Variants in SCN10A observed in about 807,000 individuals in gnomAD.
The protein encoded by SCN10A is sodium voltage-gated channel alpha subunit 10.
In SCN10A, 162 loss-of-function variants were observed where a neutral mutation model predicts 170.7. The observed-to-expected ratio is 0.95, with a 90% CI of 0.84 to 1.08. The LOEUF (loss-of-function observed/expected upper bound fraction) is 1.08, where lower values mean the gene tolerates loss of function less well. Among genes scored for constraint, SCN10A ranks in the 50% least tolerant of loss-of-function variants. SCN10A has a pLI of 0.00. For synonymous variants in SCN10A, 985 were observed against 904.6 expected (o/e 1.09, Z -1.59); for missense variants, 2,527 against 2,436.9 (o/e 1.04, Z -0.78).
intron 13 of SCN10A, among the ~76,000 whole-genome samples, chr3:38,746,713 C>G (rs1021948086): frequency 6.6e-6 from 1 of 152,180 alleles, no homozygotes; most frequent in Admixed American, 6.5e-5. Context: ...ATTCTCTCTT[C>G]TGCTTTGCAG....
rs530760750 is a variant in SCN10A, at chr3:38,745,888, C to G, written c.1868-3359G>C. ...TTTCAGTCTCCTCTGCTGGGTCCAT[C>G]TCTTCTGCTTAACTATTAAACATTT... is the stretch of plus-strand genomic sequence containing the variant. On this transcript the variant is annotated intron_variant, in intron 13 of 27. Transcript: ENST00000449082. Among the ~76,000 whole-genome samples the G allele has an allele frequency of 4.6e-5, 7 of 151,778 alleles. No individual in the cohort carries two copies. The East Asian group carries it at 1.4e-3, about 29-fold the overall frequency.
intron 1 of SCN10A, among the ~76,000 whole-genome samples, chr3:38,812,896 T>C (rs967428669): frequency 6.6e-6 from 1 of 152,044 alleles, no homozygotes; most frequent in African/African-American, 2.4e-5. Flanking sequence ...TTTCCAAGTG[T>C]GGTGGAGGCC....
intron 20 of SCN10A, among the ~76,000 whole-genome samples, chr3:38,719,673 G>A (rs372804021): frequency 3.0e-4 from 46 of 152,162 alleles, no homozygotes; most frequent in African/African-American, 1.1e-3. Context: ...GATTACAGGC[G>A]TGAGCCACCG....
chr3:38,719,067 T>C (rs2125994729), intron 20 of SCN10A, among the ~76,000 whole-genome samples: 1 of 152,352 alleles, frequency 6.6e-6, no homozygotes, highest in East Asian at 1.9e-4. Flanking sequence ...TGCTGATACT[T>C]GCAGGGATGC....
At chr3:38,804,543 T>A (rs7627421) in intron 1 of SCN10A, among the ~76,000 whole-genome samples, 70,567 of 152,002 alleles carry the variant, frequency 0.46, 18,355 homozygotes, top group African/African-American at 0.71. Flanking sequence ...TAATCAACAG[T>A]TATTTGTTGA....
intron 5 of SCN10A, among the ~76,000 whole-genome samples, chr3:38,767,122 CTTCTT>C (rs1417836026): frequency 2.0e-5 from 3 of 151,628 alleles, no homozygotes; most frequent in Non-Finnish European, 4.4e-5. Flanking sequence ...GATCTTCTCT[CTTCTT>C]TTCTTGGTTA....
At chr3:38,778,690 A>G (rs1427147894) in intron 4 of SCN10A, among the ~76,000 whole-genome samples, 2 of 152,094 alleles carry the variant, frequency 1.3e-5, no homozygotes, top group Non-Finnish European at 2.9e-5. Context: ...TCAAAAGTAT[A>G]CAGCATGATC....
intron 8 of SCN10A, among the ~76,000 whole-genome samples, chr3:38,759,901 G>A (rs114107846): frequency 0.012 from 1,813 of 152,268 alleles, 46 homozygotes; most frequent in African/African-American, 0.04. Flanking sequence ...GTAAGAATTC[G>A]AAATTGCAAA....
At chr3:38,728,507 A>G (rs779924149) in intron 16 of SCN10A, 35 bp downstream of exon 16, 2 of 1,525,918 alleles carry the variant, frequency 1.3e-6, no homozygotes, top group South Asian at 1.3e-5. Flanking sequence ...TCCTTTCCCC[A>G]GGAGACAGTG....
At chr3:38,806,239 C>T (rs1559473152) in intron 1 of SCN10A, among the ~76,000 whole-genome samples, 1 of 152,248 alleles carries the variant, frequency 6.6e-6, no homozygotes, top group Non-Finnish European at 1.5e-5. Context: ...CTCTGCCCAC[C>T]AGAATGGAGA....
At chr3:38,755,246 A>T (rs936079788) in intron 11 of SCN10A, among the ~76,000 whole-genome samples, 3 of 151,918 alleles carry the variant, frequency 2.0e-5, no homozygotes, top group Non-Finnish European at 4.4e-5. Context: ...AGTGTCAATT[A>T]AAAAAAACTA....
chr3:38,799,477 A>T (rs1308504643), intron 1 of SCN10A, among the ~76,000 whole-genome samples: 1 of 152,200 alleles, frequency 6.6e-6, no homozygotes, highest in East Asian at 1.9e-4. Flanking sequence ...TATAGAAGAC[A>T]CTAACATGTT....
chr3:38,805,965 G>A (rs2064402323), intron 1 of SCN10A, among the ~76,000 whole-genome samples: 1 of 152,162 alleles, frequency 6.6e-6, no homozygotes, highest in African/African-American at 2.4e-5. Context: ...CCATGGTTCT[G>A]AAATAGCTAG....
chr3:38,763,555 A>G lies in SCN10A; in HGVS notation c.641T>C (p.Leu214Pro). The G allele has an allele frequency of 6.2e-7, 1 of 1,614,128 alleles. No individual in the cohort carries two copies. The highest frequency in any genetic ancestry group is 8.5e-7 in the Non-Finnish European group (1 of 1,179,966). Reference protein sequence around the residue: ...TAIDLRGISGLRTFRVLRALK... With the variant: ...TAIDLRGISGPRTFRVLRALK... ...TGCTCTAAGAACTCTGAATGTCCGC[A>G]GGCCTGAGATCCCACGGAGATCTAT... The change falls in exon 6 of 28, where the codon CTG becomes CCG. Residue 214 changes from leucine to proline, a missense_variant. Transcript: ENST00000449082.
chr3:38,736,962 C>CT (rs2063567359), intron 15 of SCN10A, among the ~76,000 whole-genome samples: 13 of 69,242 alleles, frequency 1.9e-4, no homozygotes, highest in East Asian at 4.6e-4. Flanking sequence ...CAGAAATGTT[C>CT]GTTTTTTTTT....
At position 38,726,907 on chromosome 3, in the gene SCN10A, C is replaced by T; in HGVS notation, c.2786G>A (p.Cys929Tyr). ...VFGHRTKQAL[C>Y]SFFSRSCPFP... ...TGGGCAGGACCTGCTGAAGAAGCTGCAAAGAGCCTGTTTGGTACGATGGCC... is the reference window on the plus strand; with the variant it reads ...TGGGCAGGACCTGCTGAAGAAGCTGTAAAGAGCCTGTTTGGTACGATGGCC... Residue 929 changes from cysteine to tyrosine, a missense_variant, in exon 17 of 28, where the codon TGC (cysteine) becomes TAC (tyrosine). By Grantham distance (194) the Cys-to-Tyr change is radical. Transcript: ENST00000449082. The T allele has an allele frequency of 6.2e-7, 1 of 1,614,240 alleles. No homozygotes were observed. Among genetic ancestry groups the T allele is most frequent in the Non-Finnish European group, 8.5e-7 (1 of 1,180,046 alleles).
chr3:38,712,536 C>T, intron 22 of SCN10A, 91 bp from the exon 23 acceptor site: 1 of 1,362,736 alleles, frequency 7.3e-7, no homozygotes, highest in Non-Finnish European at 1.0e-6. Context: ...CAGGCTGCTT[C>T]ATGAGCCAGT....
intron 13 of SCN10A, among the ~76,000 whole-genome samples, chr3:38,749,688 C>T (rs2063727454): frequency 6.6e-6 from 1 of 151,984 alleles, no homozygotes; most frequent in Admixed American, 6.6e-5. Context: ...AATTATGAAA[C>T]CATGAAAAGG....
intron 17 of SCN10A, 114 bp downstream of exon 17, chr3:38,726,492 G>A: frequency 1.2e-6 from 1 of 822,534 alleles, no homozygotes; most frequent in Non-Finnish European, 1.8e-6. Flanking sequence ...AGCTTGGCAT[G>A]GTTTAAACTT....
Sources: allele counts gnomAD v4.1 joint callset (sites outside exome capture counted in the v4.1 genomes callset), GRCh38; gene constraint gnomAD v4.1.1; transcripts MANE v1.5; gene names NCBI Gene and HGNC (gene_info 2026-07-23, HGNC 2026-07-21).